MMP3: variants seen among roughly 807,000 people sequenced by gnomAD.
MMP3 encodes the protein stromelysin-1.
Under a neutral mutation model 47.3 loss-of-function variants are expected in MMP3, and 46 were observed. The ratio of observed to expected loss-of-function variants is 0.97; its 90% confidence interval spans 0.77 to 1.24. MMP3 has a LOEUF of 1.24. MMP3 is among the 50% of genes most tolerant of loss of function. The probability of loss-of-function intolerance (pLI) is 0.00; values close to 1 mark genes in which losing one functional copy is unlikely to be tolerated. For missense variants in MMP3, 558 were observed against 565.5 expected (o/e 0.99, Z 0.13); for synonymous variants, 216 against 206.5 (o/e 1.05, Z -0.39).
In MMP3 at chr11:102,840,409, A is replaced by G; in HGVS notation, c.790+20T>C. ...CATCATTGCAAAACTACAATGGCTG[A>G]TTTTCCCAGTGTCACTCACCATAGA... On this transcript the variant is annotated intron_variant, in intron 5 of 9. Transcript: ENST00000299855. 1 of 1,609,610 alleles carries G rather than the reference A, an allele frequency of 6.2e-7. No homozygotes were observed. Among genetic ancestry groups the G allele is most frequent in the Non-Finnish European group, 8.5e-7 (1 of 1,178,556 alleles).
intron 1 of MMP3, 110 bp from the exon 2 acceptor site, chr11:102,843,026 T>C (rs1555005864): frequency 2.0e-6 from 2 of 1,002,984 alleles, no homozygotes; most frequent in African/African-American, 3.3e-5. Flanking sequence ...GGAGTATTTC[T>C]CTAGCTTGCT....
At chr11:102,839,485 G>A (rs1456611371) in intron 6 of MMP3, among the ~76,000 whole-genome samples, 12 of 152,124 alleles carry the variant, frequency 7.9e-5, no homozygotes, top group African/African-American at 2.7e-4. Context: ...TTATTCTATC[G>A]TGCAAATGAA....
At position 102,839,066 on chromosome 11, in the gene MMP3, G is replaced by A. The variant is rs990636937; in HGVS notation, c.1069+44C>T. The A allele has an allele frequency of 2.0e-5, 31 of 1,588,624 alleles. No homozygotes were observed. The East Asian group carries it at 7.0e-4, about 36-fold the overall frequency. On this transcript the variant is annotated intron_variant, in intron 7 of 9. Coordinates refer to ENST00000299855, the MANE Select transcript of MMP3 (RefSeq NM_002422.5). ...AAGTGTTGTTCAATTTCTTATGAGAGGGTTTACTTTGGCAAGTTAAACAAA... is the reference window on the plus strand; with the variant it reads ...AAGTGTTGTTCAATTTCTTATGAGAAGGTTTACTTTGGCAAGTTAAACAAA...
Position 102,840,437 on chromosome 11 carries a change from G to T in MMP3, c.782C>A (p.Ser261Tyr). The stretch of plus-strand genomic sequence containing the variant: ...TTCCCAGTGTCACTCACCATAGAGG[G>T]ACTGAATGCCATTTATATCATCTTG... ...LSQDDINGIQ[S>Y]LYGPPPDSPE... is the part of the protein sequence containing the mutation. The change falls in exon 5 of 10, where the codon TCC becomes TAC. Residue 261 changes from serine (S) to tyrosine (Y), a missense_variant. Coordinates refer to ENST00000299855, the MANE Select transcript of MMP3 (RefSeq NM_002422.5). The T allele has an allele frequency of 6.2e-7, 1 of 1,613,902 alleles. No homozygotes were observed. The highest frequency in any genetic ancestry group is 2.2e-5 in the East Asian group (1 of 44,882).
Position 102,842,697 on chromosome 11 carries a change from A to C in MMP3, c.325T>G (p.Trp109Gly), listed in dbSNP as rs61753776. ...CTGTATGTAAGGTGGGTTTTCCTCC[A>C]CTTCGGGATGCCAGGAAAGGTTCTG... ...HFRTFPGIPK[W>G]RKTHLTYRIV... Residue 109 changes from tryptophan (W) to glycine (G), a missense_variant, in exon 2 of 10, where the codon TGG becomes GGG. Trp to Gly is a radical substitution (Grantham distance 184, BLOSUM62 -2). Coordinates refer to ENST00000299855, the MANE Select transcript of MMP3 (RefSeq NM_002422.5). 4 of 1,613,748 alleles carry C rather than the reference A, an allele frequency of 2.5e-6. No homozygotes were observed. The highest frequency in any genetic ancestry group is 3.4e-6 in the Non-Finnish European group (4 of 1,179,954).
At chr11:102,838,809 T>A in intron 7 of MMP3, 99 bp from the exon 8 acceptor site, 1 of 1,360,898 alleles carries the variant, frequency 7.3e-7, no homozygotes, top group Non-Finnish European at 9.9e-7. Flanking sequence ...CATGGTAAAG[T>A]AGTAGCCCAA....
intron 6 of MMP3, among the ~76,000 whole-genome samples, 193 bp downstream of exon 6, chr11:102,839,915 C>A (rs1402682172): frequency 1.3e-5 from 2 of 152,172 alleles, no homozygotes; most frequent in Non-Finnish European, 2.9e-5. Flanking sequence ...ACCAGATCAG[C>A]CTGTGCCTTC....
rs3025093 is a variant in MMP3, at chr11:102,839,434, C to T, written c.936-191G>A. Among the ~76,000 whole-genome samples, 526 of 152,184 alleles carry T rather than the reference C, an allele frequency of 3.5e-3. 2 individuals are homozygous for T. The highest frequency in any genetic ancestry group is 6.3e-3 in the Non-Finnish European group (430 of 68,010). On this transcript the variant is annotated intron_variant, in intron 6 of 9. Coordinates refer to ENST00000299855, the MANE Select transcript of MMP3 (RefSeq NM_002422.5). ...CTTCAGAAGACTGTAGTGAGTCTCCCGTCATAGGTTTCCAGAGTAATGTCT... is the reference window on the plus strand; with the variant it reads ...CTTCAGAAGACTGTAGTGAGTCTCCTGTCATAGGTTTCCAGAGTAATGTCT...
chr11:102,838,820 A>G, intron 7 of MMP3, 110 bp from the exon 8 acceptor site: 2 of 1,297,288 alleles, frequency 1.5e-6, no homozygotes, highest in Non-Finnish European at 2.1e-6. Flanking sequence ...AGTAGCCCAA[A>G]TTTTAGATTT....
rs781803674 is a variant in MMP3 at position 102,838,530 on chromosome 11, G to A, written c.1229+21C>T. ...TTTCCCTAATTAGGCTCCATACAAA[G>A]TCATTTCTCTTGCATCTCACCTCCA... is the stretch of plus-strand genomic sequence containing the variant. On this transcript the variant is annotated intron_variant, in intron 8 of 9. Transcript: ENST00000299855. 4 of 1,606,650 alleles carry A rather than the reference G, an allele frequency of 2.5e-6. No homozygotes were observed. The Admixed American group carries it at 5.1e-5, about 21-fold the overall frequency.
Position 102,842,242 on chromosome 11 carries a change from A to T in MMP3, c.537T>A (p.Asn179Lys). Residue 179 changes from asparagine (N) to lysine (K), a missense_variant, in exon 4 of 10, where the codon AAT becomes AAA. Transcript: ENST00000299855. ...CAGGGGCATAGGCATGGGCCAAAACATTTCCAGGTCCATCAAAAGGGTAAA... is the reference window on the plus strand; with the variant it reads ...CAGGGGCATAGGCATGGGCCAAAACTTTTCCAGGTCCATCAAAAGGGTAAA... ...GDFYPFDGPGNVLAHAYAPGP... is the reference protein window; with the variant it reads ...GDFYPFDGPGKVLAHAYAPGP... The T allele has an allele frequency of 1.2e-6, 2 of 1,609,064 alleles. No homozygotes were observed. The highest frequency in any genetic ancestry group is 1.7e-6 in the Non-Finnish European group (2 of 1,178,680).
At chr11:102,840,035 C>T in intron 6 of MMP3, 73 bp downstream of exon 6, 1 of 1,445,410 alleles carries the variant, frequency 6.9e-7, no homozygotes, top group Non-Finnish European at 9.4e-7. Context: ...GAATCTCTAT[C>T]AAGTTTCTGC....
At chr11:102,841,664 C>T (rs1858999606) in intron 4 of MMP3, among the ~76,000 whole-genome samples, 1 of 150,632 alleles carries the variant, frequency 6.6e-6, no homozygotes. Flanking sequence ...CAGAACAAGC[C>T]CATAAAAATT....
Position 102,840,577 on chromosome 11 carries a change from G to A in MMP3, c.642C>T (p.Leu214=), listed in dbSNP as rs781877459. 5.0e-6 allele frequency: 8 copies of A among 1,613,018 alleles called. No homozygotes were observed. Among genetic ancestry groups the A allele is most frequent in the South Asian group, 2.2e-5 (2 of 90,766 alleles). The change falls in exon 5 of 10, where the codon CTC becomes CTT. Residue 214 remains leucine (L), a synonymous_variant. Coordinates refer to ENST00000299855, the MANE Select transcript of MMP3 (RefSeq NM_002422.5). ...AGTGGCCAATTTCATGAGCAGCAACGAGAAATAAATTGGTCCCTATTTAAG... is the reference window on the plus strand; with the variant it reads ...AGTGGCCAATTTCATGAGCAGCAACAAGAAATAAATTGGTCCCTATTTAAG... ...TKDTTGTNLF[L]VAAHEIGHSL...
chr11:102,838,486 C>A, intron 8 of MMP3, 65 bp downstream of exon 8: 1 of 1,533,474 alleles, frequency 6.5e-7, no homozygotes, highest in Non-Finnish European at 8.8e-7. Flanking sequence ...TGGGGGATTT[C>A]CTTAGTAAAA....
In MMP3 at chr11:102,836,148, C is replaced by G. The variant is rs138229802; in HGVS notation, c.1412G>C (p.Ser471Thr). The change falls in exon 10 of 10, where the codon AGT becomes ACT. Residue 471 changes from serine (S) to threonine (T), a missense_variant. Physicochemically the swap from Ser to Thr is moderately conservative, Grantham distance 58 (BLOSUM62 1). Coordinates refer to ENST00000299855, the MANE Select transcript of MMP3 (RefSeq NM_002422.5). This position sits in a 1 kb window ranked among gnomAD's most constrained non-coding sequence, Gnocchi z 4.6. ...CTTTCAACAATTAAGCCAGCTGTTA[C>G]TCTTCAAAGTGTGTGTCACTTTCTT... The part of the protein sequence containing the change: ...NAKKVTHTLK[S>T]NSWLNC 5 of 1,613,762 alleles carry G rather than the reference C, an allele frequency of 3.1e-6. No homozygotes were observed. The highest frequency in any genetic ancestry group is 4.2e-6 in the Non-Finnish European group (5 of 1,179,814).
intron 8 of MMP3, 43 bp downstream of exon 8, chr11:102,838,508 C>A: frequency 6.3e-7 from 1 of 1,578,850 alleles, no homozygotes; most frequent in Non-Finnish European, 8.6e-7. Flanking sequence ...AAACTAATTT[C>A]CCTAATTAGG....
intron 4 of MMP3, 92 bp from the exon 5 acceptor site, chr11:102,840,685 T>A (rs1858981796): frequency 1.5e-6 from 2 of 1,335,130 alleles, no homozygotes; most frequent in African/African-American, 3.0e-5. Context: ...TTTTACTTCT[T>A]GGAACCACAC....
chr11:102,840,793 A>C (rs1210404892), intron 4 of MMP3, among the ~76,000 whole-genome samples, 200 bp from the exon 5 acceptor site: 1 of 152,114 alleles, frequency 6.6e-6, no homozygotes, highest in Non-Finnish European at 1.5e-5. Flanking sequence ...ACCTGTAATC[A>C]ATCTTTGAGA....
Sources: allele counts gnomAD v4.1 joint callset (sites outside exome capture counted in the v4.1 genomes callset), GRCh38; gene constraint gnomAD v4.1.1; non-coding constraint Gnocchi (gnomAD v3.1); transcripts MANE v1.5; gene names NCBI Gene and HGNC (gene_info 2026-07-23, HGNC 2026-07-21).